Variants in XCR1 observed in about 807,000 individuals in gnomAD.
XCR1 encodes the protein chemokine XC receptor 1.
For missense variants in XCR1, 356 were observed against 424.2 expected (o/e 0.84, Z 1.41); for synonymous variants, 187 against 188.5 (o/e 0.99, Z 0.06).
rs775900156 is a variant in XCR1 at position 46,017,394 on chromosome 3, CAA to C, written c.*3550_*3551del. 4.6e-5 allele frequency: 7 copies of C among 152,154 alleles called. No homozygotes were observed. Among genetic ancestry groups the C allele is most frequent in the Non-Finnish European group, 8.8e-5 (6 of 68,020 alleles). The allele number at this position is 152,154 out of a possible 1,614,324, so 9.4% of individuals were successfully genotyped here. ...AAGTTCAACAAAGCTTAATTCCAAA[CAA>C]AAAAGATGATGTTTAGGCCGGTGGG... is the stretch of plus-strand genomic sequence containing the variant. On this transcript the variant is annotated 3_prime_UTR_variant, in exon 2 of 2. Transcript: ENST00000309285.
At chr3:46,038,946 T>C (rs1056163352) in intron 5 of XCR1, among the ~76,000 whole-genome samples, 4 of 152,080 alleles carry the variant, frequency 2.6e-5, no homozygotes. Context: ...TCAAATTAAT[T>C]ACAATTAAGT....
intron 5 of XCR1, among the ~76,000 whole-genome samples, chr3:46,036,581 TAATAA>T (rs1410283575): frequency 4.6e-5 from 7 of 152,252 alleles, no homozygotes; most frequent in Admixed American, 3.9e-4. Context: ...TTAAAAATAT[TAATAA>T]AATAAAAATA....
At chr3:46,066,404 C>T (rs1698076151) in intron 4 of XCR1, among the ~76,000 whole-genome samples, 2 of 152,218 alleles carry the variant, frequency 1.3e-5, no homozygotes, top group South Asian at 2.1e-4. Flanking sequence ...ACCACCACGC[C>T]CGGCTAATTT....
intron 1 of XCR1, among the ~76,000 whole-genome samples, chr3:46,085,756 G>T (rs1220933558): frequency 6.6e-6 from 1 of 152,216 alleles, no homozygotes; most frequent in East Asian, 1.9e-4. Flanking sequence ...TTGAGCTACA[G>T]ATCTACAGTG....
rs1422077372 is a variant in XCR1, at chr3:46,021,483, T to C, written c.465A>G (p.Val155=). The C allele has an allele frequency of 6.2e-7, 1 of 1,613,752 alleles. No homozygotes were observed. Among genetic ancestry groups the C allele is most frequent in the East Asian group, 2.2e-5 (1 of 44,868 alleles). The change falls in exon 2 of 2, where the codon GTA becomes GTG. Residue 155 remains valine (V), a synonymous_variant. Coordinates refer to ENST00000309285, the MANE Select transcript of XCR1 (RefSeq NM_001024644.2). The surrounding 1 kb of genome is among the most constrained non-coding windows in gnomAD (Gnocchi z 4.7). ...CRVLVTMAVW[V]ASILSSILDT... ...CGAGGATGGAGGACAGGATGCTGGC[T>C]ACCCACACAGCCATGGTCACCAGCA...
upstream of XCR1, among the ~76,000 whole-genome samples, chr3:46,031,019 G>T (rs975271227): frequency 1.3e-5 from 2 of 152,266 alleles, no homozygotes; most frequent in Non-Finnish European, 2.9e-5. Flanking sequence ...CCACTGTGGG[G>T]AAAATGCGGA....
intron 1 of XCR1, among the ~76,000 whole-genome samples, chr3:46,026,389 A>C (rs1313903578): frequency 1.3e-5 from 2 of 152,154 alleles, no homozygotes; most frequent in African/African-American, 2.4e-5. Flanking sequence ...TAAGGGAGTG[A>C]ATTTAGCTTT....
At chr3:46,023,155 C>T (rs1030512721) in intron 1 of XCR1, 2 of 391,396 alleles carry the variant, frequency 5.1e-6, no homozygotes, top group South Asian at 5.9e-5. Flanking sequence ...GGGGCGGGCC[C>T]GTGGCGCGGG....
At chr3:46,066,065 T>A (rs1039208505) in intron 4 of XCR1, among the ~76,000 whole-genome samples, 3 of 152,118 alleles carry the variant, frequency 2.0e-5, no homozygotes, top group African/African-American at 7.2e-5. Flanking sequence ...GCGACAGCAT[T>A]CCTGGTGGAG....
At chr3:46,074,214 CTTTTTTTTTT>C (rs35124592) in intron 3 of XCR1, among the ~76,000 whole-genome samples, 124 of 86,666 alleles carry the variant, frequency 1.4e-3, no homozygotes, top group African/African-American at 4.9e-3. Context: ...TGAAGGCCAT[CTTTTTTTTTT>C]TTTTTTTTTT....
At chr3:46,037,722 T>TCTTA (rs1158464287) in intron 5 of XCR1, among the ~76,000 whole-genome samples, 1 of 152,154 alleles carries the variant, frequency 6.6e-6, no homozygotes, top group Non-Finnish European at 1.5e-5. Context: ...TAGTTAAAGC[T>TCTTA]CTTAGTTTTG....
chr3:46,081,694 CTTTTTTTT>C (rs66818091), intron 1 of XCR1, among the ~76,000 whole-genome samples: 129 of 141,714 alleles, frequency 9.1e-4, no homozygotes, highest in African/African-American at 3.7e-3. Context: ...TTCTTTTTTT[CTTTTTTTT>C]TTTTAAAAAT....
At chr3:46,066,449 T>G (rs1456012286) in intron 4 of XCR1, among the ~76,000 whole-genome samples, 1 of 152,200 alleles carries the variant, frequency 6.6e-6, no homozygotes, top group Non-Finnish European at 1.5e-5. Context: ...TTCACCATGT[T>G]GGCCAGGATG....
chr3:46,023,410 G>T, intron 1 of XCR1: 7 of 1,466,982 alleles, frequency 4.8e-6, no homozygotes, highest in Non-Finnish European at 5.7e-6. Flanking sequence ...AAAGGCTGCG[G>T]CATATCTTTC....
At chr3:46,026,711 T>C (rs1361694097) in intron 1 of XCR1, among the ~76,000 whole-genome samples, 1 of 151,666 alleles carries the variant, frequency 6.6e-6, no homozygotes, top group Non-Finnish European at 1.5e-5. Flanking sequence ...GCCTCCCAAG[T>C]AGCTAGGACT....
intron 4 of XCR1, among the ~76,000 whole-genome samples, chr3:46,061,863 TG>T (rs1277275483): frequency 2.0e-5 from 3 of 152,050 alleles, no homozygotes; most frequent in African/African-American, 7.2e-5. Flanking sequence ...AGCATTGGAA[TG>T]GGGGCTTGAA....
chr3:46,076,535 T>C (rs1180601044), intron 2 of XCR1, among the ~76,000 whole-genome samples: 1 of 151,424 alleles, frequency 6.6e-6, no homozygotes, highest in Non-Finnish European at 1.5e-5. Flanking sequence ...TGGTCAATGA[T>C]TGCCATTTTG....
At chr3:46,023,502 C>T in intron 1 of XCR1, 7 of 1,567,674 alleles carry the variant, frequency 4.5e-6, no homozygotes, top group African/African-American at 1.4e-5. Context: ...AACAGCTCCT[C>T]CTCATCCAAG....
intron 5 of XCR1, among the ~76,000 whole-genome samples, chr3:46,050,796 A>T (rs4683167): frequency 0.48 from 73,447 of 152,060 alleles, 20,497 homozygotes; most frequent in African/African-American, 0.78. Context: ...TAAGATCTAT[A>T]ATTACAAGAG....
Sources: gnomAD v4.1 joint callset for allele counts (sites outside exome capture counted in the v4.1 genomes callset) on GRCh38, gnomAD v4.1.1 for gene constraint, Gnocchi (gnomAD v3.1) non-coding constraint, MANE v1.5 for transcripts, NCBI Gene and HGNC (gene_info 2026-07-23, HGNC 2026-07-21) for gene names.